The following TAOK3 variants were observed in gnomAD, a reference collection of about 807,000 sequenced individuals.
TAOK3 encodes serine/threonine-protein kinase TAO3.
Under a neutral mutation model 120.4 loss-of-function variants are expected in TAOK3, and 40 were observed. The observed-to-expected ratio is 0.33, with a 90% CI of 0.26 to 0.43. The LOEUF (loss-of-function observed/expected upper bound fraction) is 0.43, where lower values mean the gene tolerates loss of function less well. Ranked by LOEUF, TAOK3 falls within the 20% of genes least tolerant of loss-of-function variation. The pLI, the probability that TAOK3 is intolerant of heterozygous loss-of-function variation, is 1.00. For synonymous variants in TAOK3, 355 were observed against 387.5 expected, an observed-to-expected ratio of 0.92 and a Z score of 0.99; for missense variants, 821 against 1,112.1, an observed-to-expected ratio of 0.74 and a Z score of 3.72.
rs11380296 is a variant in TAOK3 at position 118,193,049 on chromosome 12, G to GTTTTTTTTTTT, written c.1195-3119_1195-3109dup. 5.6e-5 allele frequency among the ~76,000 whole-genome samples: 6 copies of GTTTTTTTTTTT among 107,406 alleles called. 1 individual carries two copies. The highest frequency in any genetic ancestry group is 1.1e-4 in the African/African-American group (3 of 28,150). 70.5% of individuals were successfully genotyped at this position (107,406 alleles called of 152,430 possible). On this transcript the variant is annotated intron_variant, in intron 13 of 20. Coordinates refer to ENST00000392533, the MANE Select transcript of TAOK3 (RefSeq NM_016281.4). ...AACCTGGTAAACTTACCACGTTGTT[G>GTTTTTTTTTTT]TTTTTTTTTTTTTTTTTTTTTGAGA...
At chr12:118,340,210 A>G (rs1451146101) in intron 1 of TAOK3, among the ~76,000 whole-genome samples, 1 of 152,220 alleles carries the variant, frequency 6.6e-6, no homozygotes, top group Non-Finnish European at 1.5e-5. Context: ...TAAGATGCAG[A>G]TACAGTTGAA....
intron 1 of TAOK3, among the ~76,000 whole-genome samples, chr12:118,358,248 C>T (rs953957814): frequency 3.9e-5 from 6 of 152,094 alleles, no homozygotes; most frequent in Non-Finnish European, 8.8e-5. Context: ...TGTTAATAAC[C>T]GAATGGCCAA....
chr12:118,332,396 T>C (rs2044189241), intron 1 of TAOK3, among the ~76,000 whole-genome samples: 1 of 152,152 alleles, frequency 6.6e-6, no homozygotes, highest in South Asian at 2.1e-4. Context: ...AATAAGCCTA[T>C]CCTGAAGCTT....
intron 1 of TAOK3, among the ~76,000 whole-genome samples, chr12:118,272,814 A>G (rs1003894230): frequency 6.6e-6 from 1 of 152,074 alleles, no homozygotes; most frequent in African/African-American, 2.4e-5. Flanking sequence ...TCTATGAAAT[A>G]AAATACAAAA....
At position 118,235,678 on chromosome 12, in the gene TAOK3, G is replaced by GAAAAAAAAAAAAGGGATAGGA; in HGVS notation, c.438-8_438-7insTCCTATCCCTTTTTTTTTTTT. 1.5e-6 allele frequency: 2 copies of GAAAAAAAAAAAAGGGATAGGA among 1,324,760 alleles called. No homozygotes were observed. The highest frequency in any genetic ancestry group is 1.3e-5 in the South Asian group (1 of 75,752). The allele number at this position is 1,324,760 out of a possible 1,614,324, so 82.1% of individuals were successfully genotyped here. ...ATTTCCTGCTTTAATATCCCTATAG[G>GAAAAAAAAAAAAGGGATAGGA]AAAAAAAAAAAGGGTTAGAAAATTA... is the stretch of plus-strand genomic sequence containing the variant. On this transcript the variant is annotated splice_polypyrimidine_tract_variant and splice_region_variant and intron_variant, in intron 7 of 20. Coordinates refer to ENST00000392533, the MANE Select transcript of TAOK3 (RefSeq NM_016281.4).
intron 9 of TAOK3, among the ~76,000 whole-genome samples, chr12:118,223,880 T>TCTGCC (rs2039375782): frequency 6.6e-6 from 1 of 152,180 alleles, no homozygotes; most frequent in Admixed American, 6.5e-5. Flanking sequence ...CCTCAAGTGA[T>TCTGCC]CTGCCCACTT....
At chr12:118,155,994 TG>T (rs1331561720) in intron 19 of TAOK3, among the ~76,000 whole-genome samples, 1 of 152,246 alleles carries the variant, frequency 6.6e-6, no homozygotes, top group Non-Finnish European at 1.5e-5. Context: ...CACAAAGTGC[TG>T]GGATTACAGG....
chr12:118,327,690 G>A (rs2043988478), intron 1 of TAOK3, among the ~76,000 whole-genome samples: 1 of 152,088 alleles, frequency 6.6e-6, no homozygotes, highest in Admixed American at 6.6e-5. Flanking sequence ...TCATAAATAA[G>A]CCTTAGGATT....
intron 17 of TAOK3, 31 bp from the exon 18 acceptor site, chr12:118,162,058 G>C: frequency 4.4e-6 from 7 of 1,605,476 alleles, no homozygotes; most frequent in Non-Finnish European, 6.0e-6. Flanking sequence ...TAAACGGAGA[G>C]AGGTGAATGG....
At position 118,214,039 on chromosome 12, in the gene TAOK3, G is replaced by C; in HGVS notation, c.715C>G (p.Pro239Ala). 6.2e-7 allele frequency: 1 copy of C among 1,611,326 alleles called. No individual in the cohort carries two copies. Among genetic ancestry groups the C allele is most frequent in the Non-Finnish European group, 8.5e-7 (1 of 1,178,968 alleles). ...TACCATTCATTAGACTGTAACGTTGGGGAGTCATTCTGGGCAATGTGATAT... is the reference window on the plus strand; with the variant it reads ...TACCATTCATTAGACTGTAACGTTGCGGAGTCATTCTGGGCAATGTGATAT... ...ALYHIAQNDS[P>A]TLQSNEWTDS... The change falls in exon 10 of 21, where the codon CCA becomes GCA. Residue 239 changes from proline to alanine, a missense_variant. Coordinates refer to ENST00000392533, the MANE Select transcript of TAOK3 (RefSeq NM_016281.4).
intron 14 of TAOK3, among the ~76,000 whole-genome samples, chr12:118,188,952 GCGCGCA>G (rs917834592): frequency 5.3e-5 from 8 of 152,244 alleles, no homozygotes; most frequent in African/African-American, 1.4e-4. Context: ...GTGAGTGTGA[GCGCGCA>G]CGCGCACGCG....
chr12:118,295,629 A>G (rs892706894), intron 1 of TAOK3, among the ~76,000 whole-genome samples: 3 of 152,192 alleles, frequency 2.0e-5, no homozygotes, highest in Non-Finnish European at 4.4e-5. Context: ...CCTTAGCACA[A>G]GGTTCTTGAC....
chr12:118,299,203 C>A (rs1162938454), intron 1 of TAOK3, among the ~76,000 whole-genome samples: 1 of 152,126 alleles, frequency 6.6e-6, no homozygotes, highest in Non-Finnish European at 1.5e-5. Context: ...TAGGATCCCT[C>A]AAATACACAA....
At chr12:118,339,790 T>C (rs1420299028) in intron 1 of TAOK3, among the ~76,000 whole-genome samples, 1 of 151,974 alleles carries the variant, frequency 6.6e-6, no homozygotes, top group Non-Finnish European at 1.5e-5. Flanking sequence ...CGCCTCGGCT[T>C]CCCAAAGCGC....
At chr12:118,334,301 A>G (rs2044274347) in intron 1 of TAOK3, among the ~76,000 whole-genome samples, 1 of 152,218 alleles carries the variant, frequency 6.6e-6, no homozygotes. Context: ...CAACTTTAAA[A>G]AAGGAAATCT....
At chr12:118,319,773 A>G (rs1336472940) in intron 1 of TAOK3, among the ~76,000 whole-genome samples, 1 of 152,206 alleles carries the variant, frequency 6.6e-6, no homozygotes, top group African/African-American at 2.4e-5. Flanking sequence ...TGCAGCCTCT[A>G]TGGAAAACAG....
chr12:118,335,930 C>A (rs1382309923), intron 1 of TAOK3, among the ~76,000 whole-genome samples: 2 of 152,034 alleles, frequency 1.3e-5, no homozygotes, highest in African/African-American at 4.8e-5. Context: ...GGTGACAATT[C>A]CAAAATGTTG....
chr12:118,339,711 C>T (rs998292434), intron 1 of TAOK3, among the ~76,000 whole-genome samples: 3 of 151,946 alleles, frequency 2.0e-5, no homozygotes, highest in East Asian at 3.9e-4. Flanking sequence ...TACAGGCGCG[C>T]CACCATGCCC....
intron 19 of TAOK3, among the ~76,000 whole-genome samples, chr12:118,158,911 A>G (rs2035022636): frequency 1.3e-5 from 2 of 152,136 alleles, no homozygotes; most frequent in African/African-American, 4.8e-5. Context: ...ATCCTCTTTC[A>G]CGTCTCTAAG....
Sources: allele counts gnomAD v4.1 joint callset (sites outside exome capture counted in the v4.1 genomes callset), GRCh38; gene constraint gnomAD v4.1.1; transcripts MANE v1.5; gene names NCBI Gene and HGNC (gene_info 2026-07-23, HGNC 2026-07-21).